The following ANGPTL5 variants were observed in gnomAD, a reference collection of about 807,000 sequenced individuals.
ANGPTL5 encodes angiopoietin like 5, also known as angiopoietin-related protein 5.
Under a neutral mutation model 39.4 loss-of-function variants are expected in ANGPTL5, and 34 were observed. The ratio of observed to expected loss-of-function variants is 0.86; its 90% CI spans 0.66 to 1.15. The LOEUF (loss-of-function observed/expected upper bound fraction) is 1.15, where lower values mean the gene tolerates loss of function less well. Ranked by LOEUF, ANGPTL5 falls within the 50% of genes most tolerant of loss-of-function variation. The pLI, the probability that ANGPTL5 is intolerant of heterozygous loss-of-function variation, is 0.00. For synonymous variants in ANGPTL5, 146 were observed against 152.1 expected (o/e 0.96, Z 0.29); for missense variants, 467 against 457.5 (o/e 1.02, Z -0.19).
intron 5 of ANGPTL5, among the ~76,000 whole-genome samples, chr11:101,904,084 C>T (rs989472674): frequency 1.3e-5 from 2 of 152,132 alleles, no homozygotes; most frequent in African/African-American, 4.8e-5. Flanking sequence ...CTGACTACCA[C>T]ATTATGCCTG....
rs1344701907 is a variant in ANGPTL5 at position 101,892,333 on chromosome 11, C to T, written c.848-735G>A. ...GCAACCTTCACCTCCCAGGGTCAAG[C>T]GATTCTCCTGCCTCAGCCTCCCAAG... On this transcript the variant is annotated intron_variant, in intron 8 of 8. Coordinates refer to ENST00000334289, the MANE Select transcript of ANGPTL5 (RefSeq NM_178127.5). Among the ~76,000 whole-genome samples the T allele has an allele frequency of 3.3e-5, 5 of 152,208 alleles. No homozygotes were observed. The South Asian group carries it at 8.3e-4, about 25-fold the overall frequency.
intron 4 of ANGPTL5, 62 bp downstream of exon 4, chr11:101,905,682 C>T (rs1433611877): frequency 2.0e-5 from 23 of 1,165,798 alleles, no homozygotes; most frequent in Non-Finnish European, 1.3e-6. Context: ...AAGATTATAC[C>T]TCCAGCTAAC....
At chr11:101,902,791 G>GTA in intron 5 of ANGPTL5, 70 bp from the exon 6 acceptor site, 1 of 925,902 alleles carries the variant, frequency 1.1e-6, no homozygotes, top group Non-Finnish European at 1.8e-6. Flanking sequence ...TTACTATAGA[G>GTA]AATTGATAGT....
At chr11:101,893,717 T>C (rs1939744697) in intron 8 of ANGPTL5, among the ~76,000 whole-genome samples, 1 of 152,186 alleles carries the variant, frequency 6.6e-6, no homozygotes, top group South Asian at 2.1e-4. Context: ...AAATCATATA[T>C]TGTAACTTTT....
intron 1 of ANGPTL5, chr11:101,915,133 G>C: frequency 8.5e-7 from 1 of 1,176,776 alleles, no homozygotes; most frequent in Non-Finnish European, 1.2e-6. Flanking sequence ...CGCTGCGCGG[G>C]AGCTAGGGCT....
intron 8 of ANGPTL5, among the ~76,000 whole-genome samples, chr11:101,892,725 T>G (rs1362238975): frequency 6.6e-6 from 1 of 152,212 alleles, no homozygotes; most frequent in Non-Finnish European, 1.5e-5. Flanking sequence ...TGGCTAATGT[T>G]TGAAACACTA....
intron 7 of ANGPTL5, among the ~76,000 whole-genome samples, chr11:101,896,423 A>G (rs1255892101): frequency 6.6e-6 from 1 of 152,076 alleles, no homozygotes; most frequent in Non-Finnish European, 1.5e-5. Flanking sequence ...TTTGTTACAC[A>G]GATATACATG....
intron 7 of ANGPTL5, among the ~76,000 whole-genome samples, chr11:101,897,207 T>A (rs1939814020): frequency 6.6e-6 from 1 of 152,150 alleles, no homozygotes; most frequent in Admixed American, 6.5e-5. Flanking sequence ...GGCTTGTTTG[T>A]TTTTTTCTTG....
chr11:101,895,761 G>A (rs888486750), intron 7 of ANGPTL5, among the ~76,000 whole-genome samples: 2 of 152,054 alleles, frequency 1.3e-5, no homozygotes, highest in Admixed American at 1.3e-4. Flanking sequence ...CTAGCCAATG[G>A]CTTTCTACCT....
At chr11:101,897,886 G>A (rs974022867) in intron 7 of ANGPTL5, among the ~76,000 whole-genome samples, 3 of 152,096 alleles carry the variant, frequency 2.0e-5, no homozygotes, top group South Asian at 2.1e-4. Flanking sequence ...TTCTAATTAT[G>A]TGAAGAAAGT....
chr11:101,891,366 C>T lies in ANGPTL5; in HGVS notation c.1080G>A (p.Trp360Ter). Residue 360 changes from tryptophan to a stop codon, truncating the protein, a stop_gained, in exon 9 of 9, where the codon TGG becomes TGA. Coordinates refer to ENST00000334289, the MANE Select transcript of ANGPTL5 (RefSeq NM_178127.5). LOFTEE classifies it high-confidence loss of function. ...SGKLLATGIQWGTWTKNNSPV... is the reference protein window; with the variant it reads ...SGKLLATGIQ The stretch of plus-strand genomic sequence containing the variant: ...GTGAGTTGTTTTTGGTCCACGTGCC[C>T]CATTGAATTCCAGTTGCAAGCAATT... The T allele has an allele frequency of 1.2e-6, 2 of 1,613,904 alleles. No individual in the cohort carries two copies. The highest frequency in any genetic ancestry group is 1.7e-6 in the Non-Finnish European group (2 of 1,179,930).
intron 1 of ANGPTL5, chr11:101,915,293 G>A (rs1047431691): frequency 4.3e-6 from 7 of 1,613,478 alleles, no homozygotes; most frequent in African/African-American, 4.0e-5. Context: ...GGATGCTGGC[G>A]GGGAGGCCCG....
Position 101,891,255 on chromosome 11 carries a change from C to T in ANGPTL5, c.*24G>A. The T allele has an allele frequency of 1.3e-6, 2 of 1,573,734 alleles. No individual in the cohort carries two copies. The highest frequency in any genetic ancestry group is 3.4e-5 in the Admixed American group (2 of 59,416). On this transcript the variant is annotated 3_prime_UTR_variant, in exon 9 of 9. Transcript: ENST00000334289. Reference sequence around the variant, plus strand: ...TCTTTAATATATTATCATTGTAGAACTTGCATTACAATGTTAAATGAGATT... The same window carrying T: ...TCTTTAATATATTATCATTGTAGAATTTGCATTACAATGTTAAATGAGATT...
chr11:101,915,111 A>C, intron 1 of ANGPTL5: 1 of 949,846 alleles, frequency 1.1e-6, no homozygotes, highest in Non-Finnish European at 1.5e-6. Flanking sequence ...TCGCCGCTAC[A>C]GGCACCAGTG....
chr11:101,909,929 CA>C (rs1469481126), intron 1 of ANGPTL5, among the ~76,000 whole-genome samples: 1 of 152,116 alleles, frequency 6.6e-6, no homozygotes, highest in African/African-American at 2.4e-5. Context: ...AGAGTATACC[CA>C]AATAAGATAA....
In ANGPTL5 at chr11:101,915,376, G is replaced by C. The variant is rs1421046510; in HGVS notation, c.-93+643C>G. 6.2e-6 allele frequency: 10 copies of C among 1,613,736 alleles called. No individual in the cohort carries two copies. In the Admixed American group the frequency reaches 1.2e-4, roughly 19 times the overall value. ...CTCGACAGAGCCCCCCTCGGCCCTC[G>C]GGAGAGCGGCGGGCATCACCGACCT... On this transcript the variant is annotated intron_variant, in intron 1 of 8. Coordinates refer to ENST00000334289, the MANE Select transcript of ANGPTL5 (RefSeq NM_178127.5).
intron 3 of ANGPTL5, 44 bp from the exon 4 acceptor site, chr11:101,905,891 A>G: frequency 8.9e-7 from 1 of 1,122,270 alleles, no homozygotes; most frequent in Middle Eastern, 2.1e-4. Flanking sequence ...ATATTGTTAC[A>G]GAAAACAATT....
At chr11:101,905,298 G>A (rs1473869616) in intron 4 of ANGPTL5, among the ~76,000 whole-genome samples, 1 of 152,012 alleles carries the variant, frequency 6.6e-6, no homozygotes, top group African/African-American at 2.4e-5. Context: ...CTTCGTTCTT[G>A]CCTATTCCTA....
intron 1 of ANGPTL5, among the ~76,000 whole-genome samples, chr11:101,910,424 A>AAAAAAATAT (rs1469724609): frequency 1.1e-4 from 14 of 127,218 alleles, no homozygotes; most frequent in African/African-American, 4.3e-4. Context: ...AAAAAAAAAA[A>AAAAAAATAT]ATATATATAT....
Sources: gnomAD v4.1 joint callset for allele counts (sites outside exome capture counted in the v4.1 genomes callset) on GRCh38, gnomAD v4.1.1 for gene constraint, MANE v1.5 for transcripts, NCBI Gene and HGNC (gene_info 2026-07-23, HGNC 2026-07-21) for gene names.